Variants in CTNND2 observed in about 807,000 individuals in gnomAD.
CTNND2 encodes catenin delta 2.
Under a neutral mutation model 144.4 loss-of-function variants are expected in CTNND2, and 22 were observed. That is an observed-to-expected ratio of 0.15 (90% CI 0.11 to 0.22). The LOEUF (loss-of-function observed/expected upper bound fraction) is 0.22. Ranked by LOEUF, CTNND2 falls within the 10% of genes least tolerant of loss-of-function variation. The pLI is 1.00. For missense variants in CTNND2, 1,353 were observed against 1,618.8 expected (o/e 0.84, Z 2.82); for synonymous variants, 751 against 695.6 (o/e 1.08, Z -1.25).
intron 20 of CTNND2, among the ~76,000 whole-genome samples, chr5:10,982,366 C>T (rs1013446774): frequency 6.6e-6 from 1 of 152,240 alleles, no homozygotes; most frequent in African/African-American, 2.4e-5. Flanking sequence ...TGGAAGCCTG[C>T]GGCTTTGGAA....
intron 12 of CTNND2, among the ~76,000 whole-genome samples, chr5:11,151,391 G>A (rs1003703032): frequency 6.6e-6 from 1 of 152,142 alleles, no homozygotes; most frequent in Non-Finnish European, 1.5e-5. Flanking sequence ...GAATGAACCA[G>A]CTTTTTATTT....
intron 2 of CTNND2, among the ~76,000 whole-genome samples, chr5:11,630,021 C>T (rs569358599): frequency 6.6e-6 from 1 of 152,080 alleles, no homozygotes; most frequent in Admixed American, 6.6e-5. Flanking sequence ...ATATATGTTT[C>T]TTAAATGTTC....
intron 1 of CTNND2, among the ~76,000 whole-genome samples, chr5:11,859,261 T>C (rs1199658646): frequency 6.6e-6 from 1 of 152,268 alleles, no homozygotes; most frequent in Non-Finnish European, 1.5e-5. Flanking sequence ...TGTGCCATTA[T>C]GTGTTATGCT....
intron 1 of CTNND2, among the ~76,000 whole-genome samples, chr5:11,878,830 C>T (rs1395294286): frequency 6.6e-6 from 1 of 152,202 alleles, no homozygotes; most frequent in Non-Finnish European, 1.5e-5. Context: ...AGCATGTGGA[C>T]ATTGGGGCAC....
At chr5:11,859,363 A>G (rs1324700180) in intron 1 of CTNND2, among the ~76,000 whole-genome samples, 3 of 152,262 alleles carry the variant, frequency 2.0e-5, no homozygotes, top group Non-Finnish European at 2.9e-5. Flanking sequence ...ATCTAGAAGA[A>G]CAAAACAAAA....
intron 3 of CTNND2, among the ~76,000 whole-genome samples, chr5:11,523,314 T>G (rs1772925774): frequency 6.6e-6 from 1 of 152,210 alleles, no homozygotes; most frequent in South Asian, 2.1e-4. Context: ...TTTGGAGTTG[T>G]TTCTACACTT....
chr5:11,178,053 A>C (rs1202251222), intron 11 of CTNND2, among the ~76,000 whole-genome samples: 2 of 152,180 alleles, frequency 1.3e-5, no homozygotes, highest in Non-Finnish European at 2.9e-5. Flanking sequence ...AAGAAGACAC[A>C]AAGTTGGCTT....
chr5:11,447,265 C>T (rs1024462688), intron 3 of CTNND2, among the ~76,000 whole-genome samples: 1 of 151,640 alleles, frequency 6.6e-6, no homozygotes, highest in Non-Finnish European at 1.5e-5. Context: ...TTGCTTGAAC[C>T]CGGGAGGCGG....
intron 1 of CTNND2, among the ~76,000 whole-genome samples, chr5:11,901,765 G>T (rs1737908527): frequency 6.6e-6 from 1 of 152,140 alleles, no homozygotes; most frequent in Non-Finnish European, 1.5e-5. Context: ...TACAGTATAT[G>T]TAGTTTTTCA....
intron 10 of CTNND2, among the ~76,000 whole-genome samples, chr5:11,226,845 T>C (rs1369985291): frequency 6.6e-6 from 1 of 152,212 alleles, no homozygotes; most frequent in Non-Finnish European, 1.5e-5. Context: ...ACTGCTGGAT[T>C]ATTGAGGTCA....
At chr5:11,134,469 C>A (rs970225180) in intron 12 of CTNND2, among the ~76,000 whole-genome samples, 1 of 152,190 alleles carries the variant, frequency 6.6e-6, no homozygotes, top group Non-Finnish European at 1.5e-5. Flanking sequence ...GTAATGTTCT[C>A]AGCCATTACG....
chr5:11,038,355 C>T (rs115364872), intron 16 of CTNND2, among the ~76,000 whole-genome samples: 1 of 152,184 alleles, frequency 6.6e-6, no homozygotes, highest in Admixed American at 6.5e-5. Flanking sequence ...AGTGTGAGCC[C>T]TATTGTGAAC....
chr5:11,549,517 CATAATCCCCCAAATA>C (rs747852089), intron 3 of CTNND2, among the ~76,000 whole-genome samples: 5 of 152,164 alleles, frequency 3.3e-5, no homozygotes, highest in Non-Finnish European at 7.3e-5. Context: ...CATACATTTC[CATAATCCCCCAAATA>C]ATAATCCCCC....
intron 2 of CTNND2, among the ~76,000 whole-genome samples, chr5:11,688,091 G>A (rs1462036192): frequency 1.3e-5 from 2 of 152,092 alleles, no homozygotes; most frequent in African/African-American, 4.8e-5. Flanking sequence ...AGTGGTTTGG[G>A]GGCCATTTGA....
At chr5:11,887,379 C>A (rs1291189424) in intron 1 of CTNND2, among the ~76,000 whole-genome samples, 1 of 151,988 alleles carries the variant, frequency 6.6e-6, no homozygotes, top group Non-Finnish European at 1.5e-5. Flanking sequence ...ATATTTTAGG[C>A]TGATTTGCTA....
chr5:11,516,762 T>C (rs573869546), intron 3 of CTNND2, among the ~76,000 whole-genome samples: 1 of 152,274 alleles, frequency 6.6e-6, no homozygotes, highest in African/African-American at 2.4e-5. Context: ...AATCTACAGA[T>C]TTAATACAAT....
At chr5:11,581,999 A>C (rs563910406) in intron 2 of CTNND2, among the ~76,000 whole-genome samples, 1 of 152,342 alleles carries the variant, frequency 6.6e-6, no homozygotes, top group Non-Finnish European at 1.5e-5. Context: ...GGATGTTCTT[A>C]CTCAGAAGAC....
intron 16 of CTNND2, among the ~76,000 whole-genome samples, chr5:11,063,942 C>T (rs1747277337): frequency 6.6e-6 from 1 of 152,130 alleles, no homozygotes; most frequent in African/African-American, 2.4e-5. Flanking sequence ...CACAGGCATC[C>T]TCCAGCCTGT....
chr5:10,990,912 T>G (rs1241668996), intron 19 of CTNND2, among the ~76,000 whole-genome samples: 9 of 152,254 alleles, frequency 5.9e-5, no homozygotes, highest in African/African-American at 1.7e-4. Flanking sequence ...CGTTTCATTC[T>G]CATAACACTG....
Sources: allele counts gnomAD v4.1 joint callset (sites outside exome capture counted in the v4.1 genomes callset), GRCh38; gene constraint gnomAD v4.1.1; transcripts MANE v1.5; gene names NCBI Gene and HGNC (gene_info 2026-07-23, HGNC 2026-07-21).